The following TENM2 variants were observed in gnomAD, a reference collection of about 807,000 sequenced individuals.
TENM2 encodes the protein teneurin transmembrane protein 2.
TENM2 carries 52 observed loss-of-function variants against 245.2 expected under a neutral mutation model. That is an observed-to-expected ratio of 0.21 (90% CI 0.17 to 0.27). The LOEUF (loss-of-function observed/expected upper bound fraction) is 0.27. TENM2 is among the 10% of genes least tolerant of loss of function. TENM2 has a pLI of 1.00. For missense variants in TENM2, 3,046 were observed against 3,666.8 expected (o/e 0.83, Z 4.37); for synonymous variants, 1,363 against 1,438.9 (o/e 0.95, Z 1.19).
chr5:168,089,940 G>A (rs1479990229), intron 7 of TENM2, among the ~76,000 whole-genome samples: 1 of 152,022 alleles, frequency 6.6e-6, no homozygotes, highest in Non-Finnish European at 1.5e-5. Context: ...GAAAACCAAG[G>A]CACAGACAGG....
In TENM2 at chr5:168,218,004, A is replaced by G. The variant is rs1581662647; in HGVS notation, c.4234-121A>G. ...GCTGGTTCAATGAAGAGCATTTCTAATACAATGTGTTATTAAAAAGCTGTC... is the reference window on the plus strand; with the variant it reads ...GCTGGTTCAATGAAGAGCATTTCTAGTACAATGTGTTATTAAAAAGCTGTC... On this transcript the variant is annotated intron_variant, in intron 22 of 28. Transcript: ENST00000518659. This position sits in a 1 kb window ranked among gnomAD's most constrained non-coding sequence, Gnocchi z 5.2. The G allele has an allele frequency of 9.6e-7, 1 of 1,041,436 alleles. No individual in the cohort carries two copies. Among genetic ancestry groups the G allele is most frequent in the East Asian group, 2.4e-5 (1 of 41,076 alleles). 64.5% of individuals were successfully genotyped at this position (1,041,436 alleles called of 1,614,324 possible). A position where few individuals can be genotyped will look rare whatever the true frequency, so the allele number is the denominator to read the frequency against.
intron 4 of TENM2, among the ~76,000 whole-genome samples, chr5:167,966,580 G>T (rs1414904033): frequency 6.6e-6 from 1 of 152,156 alleles, no homozygotes; most frequent in Non-Finnish European, 1.5e-5. Context: ...TTTGGAAATC[G>T]AGATTCAAGA....
rs3138740 is a variant in TENM2 at position 167,568,646 on chromosome 5, GGTGTGT to G, written c.502+193204_502+193209del. ...TTGTGCACAGACAGGCAGAGACCAT[GGTGTGT>G]GTGTGTGTGTGTGTGTGTGTGTGTG... On this transcript the variant is annotated intron_variant, in intron 2 of 28. Coordinates refer to ENST00000518659, the Ensembl canonical transcript of TENM2. Among the ~76,000 whole-genome samples the G allele has an allele frequency of 8.2e-4, 117 of 142,618 alleles. 1 individual carries two copies. Among genetic ancestry groups the G allele is most frequent in the African/African-American group, 2.8e-3 (109 of 38,944 alleles). The allele number at this position is 142,618 out of a possible 152,430, so 93.6% of individuals were successfully genotyped here. A position where few individuals can be genotyped will look rare whatever the true frequency, so the allele number is the denominator to read the frequency against.
the TENM2 span, among the ~76,000 whole-genome samples, chr5:167,092,369 C>A: frequency 6.6e-6 from 1 of 152,042 alleles, no homozygotes; most frequent in Non-Finnish European, 1.5e-5. Flanking sequence ...CCTACAATAT[C>A]ACTTTAATTA....
At chr5:167,999,803 A>G (rs913235952) in intron 5 of TENM2, among the ~76,000 whole-genome samples, 3 of 152,178 alleles carry the variant, frequency 2.0e-5, no homozygotes, top group Non-Finnish European at 4.4e-5. Flanking sequence ...GACGCTGGTG[A>G]TGAGAGCCAG....
the TENM2 span, among the ~76,000 whole-genome samples, chr5:167,258,215 G>GTATATATATATGTGTGTATATATATA: frequency 1.8e-4 from 22 of 122,884 alleles, no homozygotes; most frequent in African/African-American, 6.9e-4. Flanking sequence ...ATATATATAT[G>GTATATATATATGTGTGTATATATATA]TATATATATA....
At chr5:167,141,081 T>A in the TENM2 span, among the ~76,000 whole-genome samples, 34 of 152,226 alleles carry the variant, frequency 2.2e-4, no homozygotes, top group Admixed American at 9.2e-4. Flanking sequence ...ATTTTTCAGT[T>A]GATTCAGACT....
chr5:167,955,371 T>C (rs1002476624), intron 4 of TENM2, among the ~76,000 whole-genome samples: 2 of 152,200 alleles, frequency 1.3e-5, no homozygotes, highest in African/African-American at 2.4e-5. Flanking sequence ...ATATTAGCCC[T>C]TTGTCAGATG....
At chr5:167,012,233 C>G in the TENM2 span, among the ~76,000 whole-genome samples, 1 of 152,268 alleles carries the variant, frequency 6.6e-6, no homozygotes, top group African/African-American at 2.4e-5. Flanking sequence ...TTTCAGTCTT[C>G]TTTCACACTA....
At chr5:167,522,282 C>A (rs1770809778) in intron 2 of TENM2, among the ~76,000 whole-genome samples, 1 of 152,098 alleles carries the variant, frequency 6.6e-6, no homozygotes, top group Non-Finnish European at 1.5e-5. Flanking sequence ...CAGGGCATGA[C>A]AATACTACCC....
At chr5:167,459,788 T>C (rs1766166496) in intron 2 of TENM2, among the ~76,000 whole-genome samples, 1 of 152,140 alleles carries the variant, frequency 6.6e-6, no homozygotes, top group South Asian at 2.1e-4. Flanking sequence ...ATTGAAAACA[T>C]AACCAATGTG....
At chr5:168,249,604 C>A (rs556649195) in intron 27 of TENM2, among the ~76,000 whole-genome samples, 1 of 152,074 alleles carries the variant, frequency 6.6e-6, no homozygotes, top group Non-Finnish European at 1.5e-5. Context: ...AGGCTATGAA[C>A]AAATGTCATA....
At position 167,449,571 on chromosome 5, in the gene TENM2, A is replaced by G. The variant is rs567363034; in HGVS notation, c.502+74098A>G. 5.1e-4 allele frequency among the ~76,000 whole-genome samples: 76 copies of G among 149,704 alleles called. No individual in the cohort carries two copies. In the South Asian group the frequency reaches 0.017, roughly 34 times the overall value. On this transcript the variant is annotated intron_variant, in intron 2 of 28. Coordinates refer to ENST00000518659, the Ensembl canonical transcript of TENM2. ...AGATAGATAGATAGATAGATAGATAAAGACAGTTTTTAAAATAATTGTAGT... is the reference window on the plus strand; with the variant it reads ...AGATAGATAGATAGATAGATAGATAGAGACAGTTTTTAAAATAATTGTAGT...
intron 5 of TENM2, among the ~76,000 whole-genome samples, chr5:168,006,343 C>T (rs2152061885): frequency 6.6e-6 from 1 of 152,280 alleles, no homozygotes; most frequent in Non-Finnish European, 1.5e-5. Flanking sequence ...TCCTGAGGTT[C>T]TAGGGCGCGA....
chr5:167,853,530 T>C (rs560558594), intron 2 of TENM2, among the ~76,000 whole-genome samples: 6 of 152,150 alleles, frequency 3.9e-5, no homozygotes, highest in Admixed American at 1.3e-4. Flanking sequence ...TAACATACTT[T>C]CAAGTGGATT....
chr5:167,481,307 T>A (rs557480828), intron 2 of TENM2, among the ~76,000 whole-genome samples: 1 of 152,194 alleles, frequency 6.6e-6, no homozygotes, highest in Non-Finnish European at 1.5e-5. Flanking sequence ...TGAAAATAGA[T>A]TTACCTCTTT....
At chr5:167,176,901 T>C in the TENM2 span, among the ~76,000 whole-genome samples, 1 of 152,224 alleles carries the variant, frequency 6.6e-6, no homozygotes, top group African/African-American at 2.4e-5. Flanking sequence ...GATACATTTT[T>C]AATATCATTC....
chr5:167,068,495 T>G, the TENM2 span, among the ~76,000 whole-genome samples: 1 of 152,234 alleles, frequency 6.6e-6, no homozygotes, highest in Non-Finnish European at 1.5e-5. Flanking sequence ...ATACCAAACC[T>G]TATCTTTTTA....
intron 1 of TENM2, among the ~76,000 whole-genome samples, chr5:167,343,876 A>G (rs1392323698): frequency 6.6e-6 from 1 of 152,102 alleles, no homozygotes; most frequent in Non-Finnish European, 1.5e-5. Flanking sequence ...GGGATGGGCA[A>G]ATTCACTGGG....
Sources: gnomAD v4.1 joint callset for allele counts (sites outside exome capture counted in the v4.1 genomes callset) on GRCh38, gnomAD v4.1.1 for gene constraint, Gnocchi (gnomAD v3.1) non-coding constraint, MANE v1.5 for transcripts, NCBI Gene and HGNC (gene_info 2026-07-23, HGNC 2026-07-21) for gene names.